SMYD3: variants seen among roughly 807,000 people sequenced by gnomAD.
SMYD3 encodes the protein SET and MYND domain containing 3, also known as histone-lysine N-methyltransferase SMYD3.
SMYD3 carries 36 observed loss-of-function variants against 57.7 expected under a neutral mutation model. The observed-to-expected ratio is 0.62, with a 90% CI of 0.48 to 0.82. The LOEUF is 0.82. Among genes scored for constraint, SMYD3 ranks in the 40% least tolerant of loss-of-function variants. SMYD3 has a pLI of 0.00. For missense variants in SMYD3, 515 were observed against 538.8 expected, an observed-to-expected ratio of 0.96 and a Z score of 0.44; for synonymous variants, 211 against 195.0, an observed-to-expected ratio of 1.08 and a Z score of -0.68.
chr1:245,924,618 T>G (rs1339768152), intron 7 of SMYD3, among the ~76,000 whole-genome samples: 1 of 150,608 alleles, frequency 6.6e-6, no homozygotes. Context: ...CACTGAGGAC[T>G]GCCAGTCATT....
At chr1:246,422,904 A>G (rs2067163474) in intron 1 of SMYD3, among the ~76,000 whole-genome samples, 1 of 152,172 alleles carries the variant, frequency 6.6e-6, no homozygotes, top group Non-Finnish European at 1.5e-5. Context: ...CTAGAGGATA[A>G]TAACAAAATT....
At chr1:246,079,200 A>G (rs760383498) in intron 5 of SMYD3, among the ~76,000 whole-genome samples, 4 of 152,172 alleles carry the variant, frequency 2.6e-5, no homozygotes, top group Non-Finnish European at 4.4e-5. Context: ...CATCATATGT[A>G]CAGCTTCACT....
rs146868985 is a variant in SMYD3 at position 246,322,202 on chromosome 1, C to T, written c.531+4999G>A. The T allele has an allele frequency of 9.4e-3, 1,430 of 152,426 alleles. 11 individuals carry two copies. The highest frequency in any genetic ancestry group is 0.023 in the Middle Eastern group (7 of 298). 9.4% of individuals were successfully genotyped at this position (152,426 alleles called of 1,614,324 possible). A position where few individuals can be genotyped will look rare whatever the true frequency, so the allele number is the denominator to read the frequency against. On this transcript the variant is annotated intron_variant, in intron 5 of 11. Transcript: ENST00000490107. ...CCAACATGACAAAAGCCCATCTCTA[C>T]TAAAAATACAAAAATTAGCCCGGTG...
intron 5 of SMYD3, among the ~76,000 whole-genome samples, chr1:245,958,173 G>A (rs1375826510): frequency 2.0e-5 from 3 of 152,172 alleles, no homozygotes; most frequent in African/African-American, 4.8e-5. Flanking sequence ...GGCTCAAAGA[G>A]GCTTAAGTGG....
At chr1:246,296,276 G>A (rs2064793247) in intron 5 of SMYD3, among the ~76,000 whole-genome samples, 1 of 152,130 alleles carries the variant, frequency 6.6e-6, no homozygotes, top group Non-Finnish European at 1.5e-5. Context: ...AACGATTCAA[G>A]AAATGGTAAC....
chr1:246,105,515 G>C lies in SMYD3; in HGVS notation c.532-175578C>G, dbSNP rs891236543. 3.6e-4 allele frequency among the ~76,000 whole-genome samples: 55 copies of C among 152,268 alleles called. 1 individual carries two copies. The highest frequency in any genetic ancestry group is 1.3e-3 in the African/African-American group (53 of 41,556). On this transcript the variant is annotated intron_variant, in intron 5 of 11. Transcript: ENST00000490107. ...ATACAACTCAACTCCTGAACTCCAA[G>C]TGAAAGGCCCTGTGCTGCCCCAACC...
intron 5 of SMYD3, among the ~76,000 whole-genome samples, chr1:246,207,592 A>G (rs969735129): frequency 4.6e-5 from 7 of 152,174 alleles, no homozygotes; most frequent in African/African-American, 9.7e-5. Flanking sequence ...TATCAAGGAC[A>G]CTTACAAACA....
At chr1:246,051,128 T>A (rs1314045711) in intron 5 of SMYD3, among the ~76,000 whole-genome samples, 1 of 143,940 alleles carries the variant, frequency 6.9e-6, no homozygotes, top group Non-Finnish European at 1.5e-5. Flanking sequence ...TTTTTTTTCT[T>A]ACTCCTTTTT....
intron 10 of SMYD3, among the ~76,000 whole-genome samples, chr1:245,838,201 G>A (rs1480314149): frequency 1.3e-5 from 2 of 152,208 alleles, no homozygotes; most frequent in East Asian, 1.9e-4. Context: ...CAGGTGTGTG[G>A]GTGGGGTGCA....
chr1:246,125,084 A>AC (rs2061489735), intron 5 of SMYD3, among the ~76,000 whole-genome samples: 1 of 109,216 alleles, frequency 9.2e-6, no homozygotes, highest in South Asian at 2.6e-4. Flanking sequence ...AAAAAAAAAA[A>AC]AAAACACACA....
chr1:246,038,251 C>T (rs917664001), intron 5 of SMYD3, among the ~76,000 whole-genome samples: 3 of 152,164 alleles, frequency 2.0e-5, no homozygotes, highest in East Asian at 1.9e-4. Flanking sequence ...TAATTTATGG[C>T]TTCTAGTTTT....
chr1:246,200,332 A>G (rs1193531411), intron 5 of SMYD3, among the ~76,000 whole-genome samples: 3 of 152,110 alleles, frequency 2.0e-5, no homozygotes, highest in Non-Finnish European at 4.4e-5. Context: ...AGAACAGCGT[A>G]GACGCTGAGC....
At chr1:245,956,698 A>C (rs2057855438) in intron 5 of SMYD3, among the ~76,000 whole-genome samples, 1 of 152,046 alleles carries the variant, frequency 6.6e-6, no homozygotes, top group Non-Finnish European at 1.5e-5. Context: ...TCCCCTGGGT[A>C]TGAGCCTGCT....
intron 5 of SMYD3, among the ~76,000 whole-genome samples, chr1:246,317,288 T>C (rs1308697637): frequency 6.6e-6 from 1 of 152,236 alleles, no homozygotes; most frequent in Non-Finnish European, 1.5e-5. Context: ...AATGGCTTTT[T>C]AGAAAATAAC....
At chr1:246,183,108 A>G (rs1443660202) in intron 5 of SMYD3, among the ~76,000 whole-genome samples, 2 of 152,166 alleles carry the variant, frequency 1.3e-5, no homozygotes, top group African/African-American at 4.8e-5. Context: ...GCTTTTGGAA[A>G]GCTAGAGTCC....
At chr1:245,947,678 T>C (rs1405289707) in intron 5 of SMYD3, among the ~76,000 whole-genome samples, 1 of 152,168 alleles carries the variant, frequency 6.6e-6, no homozygotes, top group Non-Finnish European at 1.5e-5. Flanking sequence ...TCAGGGCATA[T>C]AGGAAGCTTA....
intron 5 of SMYD3, among the ~76,000 whole-genome samples, chr1:246,100,768 C>A (rs2060995139): frequency 6.6e-6 from 1 of 152,190 alleles, no homozygotes; most frequent in African/African-American, 2.4e-5. Flanking sequence ...CGATCCACAG[C>A]AAACCCAAAG....
At chr1:246,215,880 T>C (rs1404062308) in intron 5 of SMYD3, among the ~76,000 whole-genome samples, 1 of 152,130 alleles carries the variant, frequency 6.6e-6, no homozygotes, top group Non-Finnish European at 1.5e-5. Context: ...ACTTGAAAGG[T>C]ATAATTCCTT....
intron 10 of SMYD3, among the ~76,000 whole-genome samples, chr1:245,766,787 C>T (rs1023339735): frequency 9.2e-5 from 14 of 152,188 alleles, no homozygotes; most frequent in Admixed American, 5.2e-4. Context: ...GAAAGACAAT[C>T]TTCAGTTCTA....
Sources: allele counts gnomAD v4.1 joint callset (sites outside exome capture counted in the v4.1 genomes callset), GRCh38; gene constraint gnomAD v4.1.1; transcripts MANE v1.5; gene names NCBI Gene and HGNC (gene_info 2026-07-23, HGNC 2026-07-21).